Variants in SPIDR observed in about 807,000 individuals in gnomAD.
SPIDR encodes the protein DNA repair-scaffolding protein.
A neutral mutation model predicts 104.6 loss-of-function variants in SPIDR; 93 were observed. That is an observed-to-expected ratio of 0.89 (90% CI 0.75 to 1.06). The LOEUF is 1.06. Ranked by LOEUF, SPIDR falls within the 50% of genes least tolerant of loss-of-function variation. The pLI is 0.00. For missense variants in SPIDR, 1,154 were observed against 1,111.2 expected (o/e 1.04, Z -0.55); for synonymous variants, 431 against 416.9 (o/e 1.03, Z -0.41).
At chr8:47,509,368 A>G (rs958140781) in intron 8 of SPIDR, among the ~76,000 whole-genome samples, 1 of 152,160 alleles carries the variant, frequency 6.6e-6, no homozygotes, top group Admixed American at 6.5e-5. Context: ...GAGACATGGT[A>G]GATCCCCCTA....
At chr8:47,491,448 T>C (rs868984917) in intron 8 of SPIDR, among the ~76,000 whole-genome samples, 1 of 151,880 alleles carries the variant, frequency 6.6e-6, no homozygotes, top group Non-Finnish European at 1.5e-5. Flanking sequence ...TATAATAATA[T>C]CAGTAGCCAC....
intron 8 of SPIDR, among the ~76,000 whole-genome samples, chr8:47,485,741 CAG>C (rs2077506320): frequency 1.3e-5 from 2 of 152,220 alleles, no homozygotes; most frequent in African/African-American, 2.4e-5. Context: ...CCCAGGCAAA[CAG>C]GGTCTGGAGT....
At chr8:47,355,068 G>A (rs1269235701) in intron 5 of SPIDR, among the ~76,000 whole-genome samples, 3 of 152,028 alleles carry the variant, frequency 2.0e-5, no homozygotes, top group African/African-American at 7.2e-5. Context: ...TGATTCTCCT[G>A]CCTCAGCCTC....
In SPIDR at chr8:47,671,351, G is replaced by A. The variant is rs949909786; in HGVS notation, c.1545-2450G>A. 5.9e-5 allele frequency among the ~76,000 whole-genome samples: 9 copies of A among 152,092 alleles called. No individual in the cohort carries two copies. In the East Asian group the frequency reaches 9.6e-4, roughly 16 times the overall value. The stretch of plus-strand genomic sequence containing the variant: ...TGTAATCCCAACACTTTGGGAGACC[G>A]AGGTAGGCAGATCACTTGAGGCCAG... On this transcript the variant is annotated intron_variant, in intron 10 of 19. Coordinates refer to ENST00000297423, the MANE Select transcript of SPIDR (RefSeq NM_001080394.4).
chr8:47,330,763 A>G (rs1369967688), intron 5 of SPIDR: 1 of 456,112 alleles, frequency 2.2e-6, no homozygotes, highest in Non-Finnish European at 4.4e-6. Flanking sequence ...ACCAAGAGAC[A>G]TCTGGGTTGC....
At chr8:47,599,261 G>T in intron 10 of SPIDR, 65 bp downstream of exon 10, 1 of 1,579,198 alleles carries the variant, frequency 6.3e-7, no homozygotes. Context: ...GCTCTAGAAA[G>T]TGGAGCCTCT....
intron 16 of SPIDR, among the ~76,000 whole-genome samples, chr8:47,724,024 C>T (rs1228467964): frequency 6.6e-6 from 1 of 151,490 alleles, no homozygotes; most frequent in Non-Finnish European, 1.5e-5. Context: ...TTTATTTTAC[C>T]TTCATTTATT....
chr8:47,483,193 G>A (rs932034827), intron 8 of SPIDR, among the ~76,000 whole-genome samples: 13 of 152,010 alleles, frequency 8.6e-5, no homozygotes, highest in African/African-American at 2.7e-4. Flanking sequence ...TTTATTTTAC[G>A]CTTGGGGTTG....
intron 5 of SPIDR, among the ~76,000 whole-genome samples, chr8:47,328,542 C>T (rs2048096788): frequency 6.6e-6 from 1 of 152,154 alleles, no homozygotes; most frequent in South Asian, 2.1e-4. Context: ...CGTGAGCCAC[C>T]ACGTTGGGTA....
chr8:47,372,982 G>C (rs1257449536), intron 5 of SPIDR, among the ~76,000 whole-genome samples: 3 of 152,146 alleles, frequency 2.0e-5, no homozygotes, highest in African/African-American at 7.2e-5. Flanking sequence ...TGAGGGCAAT[G>C]AAAAGGAAGA....
chr8:47,615,649 C>T (rs2154432997), intron 10 of SPIDR, among the ~76,000 whole-genome samples: 1 of 151,956 alleles, frequency 6.6e-6, no homozygotes, highest in East Asian at 1.9e-4. Context: ...TCCACTAAAC[C>T]CCAGGCACTC....
At chr8:47,287,153 C>A (rs923961963) in intron 3 of SPIDR, among the ~76,000 whole-genome samples, 1 of 151,856 alleles carries the variant, frequency 6.6e-6, no homozygotes, top group East Asian at 1.9e-4. Flanking sequence ...AGGGGGTGTA[C>A]GAACAGGGAG....
At position 47,345,724 on chromosome 8, in the gene SPIDR, A is replaced by T. The variant is rs192105201; in HGVS notation, c.526-50652A>T. 1.1e-3 allele frequency among the ~76,000 whole-genome samples: 170 copies of T among 152,194 alleles called. 2 individuals carry two copies. The Middle Eastern group carries it at 0.02, about 18-fold the overall frequency. ...CTAGGTATTTTATTCTCTTTGAAGC[A>T]ATTGTGAATGGGAGTTCACTCATGA... is the stretch of plus-strand genomic sequence containing the variant. On this transcript the variant is annotated intron_variant, in intron 5 of 19. Transcript: ENST00000297423.
At chr8:47,601,822 A>C (rs1319890376) in intron 10 of SPIDR, among the ~76,000 whole-genome samples, 1 of 152,216 alleles carries the variant, frequency 6.6e-6, no homozygotes, top group Non-Finnish European at 1.5e-5. Context: ...ACTGTGTACA[A>C]AGATGAACTT....
chr8:47,465,578 CA>C (rs1167270825), intron 8 of SPIDR, among the ~76,000 whole-genome samples: 1 of 151,882 alleles, frequency 6.6e-6, no homozygotes, highest in Non-Finnish European at 1.5e-5. Flanking sequence ...ACTAAAAATA[CA>C]AAAAAATTAG....
chr8:47,535,772 C>T (rs1373332743), intron 8 of SPIDR, among the ~76,000 whole-genome samples: 1 of 151,954 alleles, frequency 6.6e-6, no homozygotes, highest in East Asian at 1.9e-4. Flanking sequence ...CTGCAGCTGA[C>T]ATCATACTTA....
At chr8:47,694,952 A>G (rs2079132091) in intron 11 of SPIDR, among the ~76,000 whole-genome samples, 1 of 152,196 alleles carries the variant, frequency 6.6e-6, no homozygotes, top group Non-Finnish European at 1.5e-5. Flanking sequence ...TTTTTATGAA[A>G]AATATTTCCT....
intron 5 of SPIDR, among the ~76,000 whole-genome samples, chr8:47,297,719 G>C (rs934321180): frequency 1.3e-5 from 2 of 151,530 alleles, no homozygotes; most frequent in African/African-American, 2.4e-5. Context: ...TTGGTTTTTT[G>C]TCCTTGTGAT....
chr8:47,732,805 A>C (rs1391950145), intron 19 of SPIDR: 1 of 152,540 alleles, frequency 6.6e-6, no homozygotes, highest in Non-Finnish European at 1.5e-5. Flanking sequence ...CGGTTAAGAT[A>C]CTTGAGTGTT....
Sources: allele counts gnomAD v4.1 joint callset (sites outside exome capture counted in the v4.1 genomes callset), GRCh38; gene constraint gnomAD v4.1.1; transcripts MANE v1.5; gene names NCBI Gene and HGNC (gene_info 2026-07-23, HGNC 2026-07-21).